RALYL: variants seen among roughly 807,000 people sequenced by gnomAD.
The protein encoded by RALYL is RALY RNA binding protein like, also known as RNA-binding Raly-like protein.
A neutral mutation model predicts 35.1 loss-of-function variants in RALYL; 29 were observed. The ratio of observed to expected loss-of-function variants is 0.83; its 90% confidence interval spans 0.61 to 1.13. The LOEUF (loss-of-function observed/expected upper bound fraction) is 1.13, where lower values mean the gene tolerates loss of function less well. Ranked by LOEUF, RALYL falls within the 50% of genes most tolerant of loss-of-function variation. The pLI is 0.00. For synonymous variants in RALYL, 120 were observed against 127.6 expected (o/e 0.94, Z 0.40); for missense variants, 359 against 360.4 (o/e 1.00, Z 0.03).
chr8:84,709,563 A>T (rs1054192243), intron 2 of RALYL, among the ~76,000 whole-genome samples: 2 of 152,122 alleles, frequency 1.3e-5, no homozygotes, highest in Admixed American at 1.3e-4. Context: ...TTTACTTTAA[A>T]AAAAAACTAT....
intron 1 of RALYL, among the ~76,000 whole-genome samples, chr8:84,358,153 A>C (rs1028345661): frequency 6.6e-6 from 1 of 152,058 alleles, no homozygotes; most frequent in African/African-American, 2.4e-5. Context: ...AATGAATTAA[A>C]TATGATTAGG....
intron 6 of RALYL, among the ~76,000 whole-genome samples, chr8:84,868,446 G>A (rs1350284833): frequency 6.6e-6 from 1 of 152,108 alleles, no homozygotes; most frequent in Non-Finnish European, 1.5e-5. Flanking sequence ...TCCTGCCTCA[G>A]CCTCCTAAAG....
At chr8:84,349,267 C>T (rs192064269) in intron 1 of RALYL, among the ~76,000 whole-genome samples, 1 of 150,546 alleles carries the variant, frequency 6.6e-6, no homozygotes, top group African/African-American at 2.5e-5. Context: ...GCTAGGTCTA[C>T]AAATTAGATG....
intron 2 of RALYL, among the ~76,000 whole-genome samples, chr8:84,725,602 A>G (rs898319205): frequency 6.6e-6 from 1 of 151,746 alleles, no homozygotes; most frequent in African/African-American, 2.4e-5. Flanking sequence ...AATAATTTTT[A>G]TATTCAGCAT....
chr8:84,585,962 C>T (rs1811901478), intron 2 of RALYL, among the ~76,000 whole-genome samples: 1 of 151,954 alleles, frequency 6.6e-6, no homozygotes, highest in South Asian at 2.1e-4. Context: ...TTTGGGAGGC[C>T]GAGGCAGGCA....
At chr8:84,340,613 T>G (rs1459828372) in intron 1 of RALYL, among the ~76,000 whole-genome samples, 1 of 152,090 alleles carries the variant, frequency 6.6e-6, no homozygotes, top group African/African-American at 2.4e-5. Context: ...TTGGCAGGAT[T>G]CCCCTCCTTT....
At chr8:84,332,785 A>C (rs1173151830) in intron 1 of RALYL, among the ~76,000 whole-genome samples, 2 of 152,200 alleles carry the variant, frequency 1.3e-5, no homozygotes, top group African/African-American at 4.8e-5. Context: ...TAGTGGCAGC[A>C]AAGATGAGCC....
At chr8:84,776,933 G>A (rs1465668153) in intron 3 of RALYL, among the ~76,000 whole-genome samples, 2 of 152,162 alleles carry the variant, frequency 1.3e-5, no homozygotes, top group African/African-American at 4.8e-5. Flanking sequence ...AATTAAGGCT[G>A]TACACTGAAA....
rs143621058 is a variant in RALYL at position 84,523,115 on chromosome 8, G to A, written c.-23-6184G>A. On this transcript the variant is annotated intron_variant, in intron 1 of 8. Transcript: ENST00000521268. ...TACTGTATTAGTCCATTCTCGTGCT[G>A]CTAATAAAGACATACCTGAGACTGG... 8.4e-3 allele frequency among the ~76,000 whole-genome samples: 1,277 copies of A among 152,138 alleles called. 19 individuals are homozygous for A. Among genetic ancestry groups the A allele is most frequent in the African/African-American group, 0.028 (1,177 of 41,468 alleles).
At chr8:84,273,583 TCAGC>T (rs1834756097) in intron 1 of RALYL, among the ~76,000 whole-genome samples, 1 of 152,220 alleles carries the variant, frequency 6.6e-6, no homozygotes, top group East Asian at 1.9e-4. Flanking sequence ...TCATACCATC[TCAGC>T]CATCTTCAAG....
At chr8:84,876,955 C>T (rs143459283) in intron 7 of RALYL, among the ~76,000 whole-genome samples, 1 of 152,262 alleles carries the variant, frequency 6.6e-6, no homozygotes, top group Non-Finnish European at 1.5e-5. Flanking sequence ...TACTGCTACT[C>T]AATCACTCTA....
intron 6 of RALYL, among the ~76,000 whole-genome samples, chr8:84,867,295 CT>C (rs375451775): frequency 2.5e-4 from 38 of 152,296 alleles, no homozygotes; most frequent in African/African-American, 7.9e-4. Flanking sequence ...GGGACTTACA[CT>C]TTTCTGCTTC....
At chr8:84,634,646 AGAAGTCAG>A (rs1263531481) in intron 2 of RALYL, among the ~76,000 whole-genome samples, 4 of 151,816 alleles carry the variant, frequency 2.6e-5, no homozygotes, top group Non-Finnish European at 5.9e-5. Context: ...ATAAGGGCTA[AGAAGTCAG>A]GAAATATTCT....
intron 3 of RALYL, among the ~76,000 whole-genome samples, chr8:84,776,436 G>A (rs1412324768): frequency 6.6e-6 from 1 of 152,106 alleles, no homozygotes; most frequent in East Asian, 1.9e-4. Flanking sequence ...AACAAATGTT[G>A]ATAGTGGGTC....
intron 1 of RALYL, among the ~76,000 whole-genome samples, chr8:84,475,732 T>C (rs1396633291): frequency 6.6e-6 from 1 of 152,204 alleles, no homozygotes; most frequent in East Asian, 1.9e-4. Flanking sequence ...TAAGAAGTTA[T>C]TGAAGGTATG....
At chr8:84,568,989 T>C (rs1276492822) in intron 2 of RALYL, among the ~76,000 whole-genome samples, 3 of 148,942 alleles carry the variant, frequency 2.0e-5, no homozygotes, top group Admixed American at 1.3e-4. Context: ...TTCTCCCATT[T>C]TGTAGGTTGC....
chr8:84,494,870 C>T (rs1192439119), intron 1 of RALYL, among the ~76,000 whole-genome samples: 1 of 152,082 alleles, frequency 6.6e-6, no homozygotes, highest in Non-Finnish European at 1.5e-5. Context: ...TCCTCTCTCC[C>T]TATTTGAATA....
At chr8:84,804,388 C>T (rs1455134669) in intron 3 of RALYL, among the ~76,000 whole-genome samples, 2 of 152,124 alleles carry the variant, frequency 1.3e-5, no homozygotes, top group African/African-American at 4.8e-5. Context: ...GTAACAAGCA[C>T]ATTATAAATT....
At chr8:84,475,683 G>C (rs186340735) in intron 1 of RALYL, among the ~76,000 whole-genome samples, 1 of 152,136 alleles carries the variant, frequency 6.6e-6, no homozygotes, top group Non-Finnish European at 1.5e-5. Context: ...CGAAGAAAGT[G>C]TTTGGTAAAA....
Sources: gnomAD v4.1 joint callset for allele counts (sites outside exome capture counted in the v4.1 genomes callset) on GRCh38, gnomAD v4.1.1 for gene constraint, MANE v1.5 for transcripts, NCBI Gene and HGNC (gene_info 2026-07-23, HGNC 2026-07-21) for gene names.